ABCG2: variants seen among roughly 807,000 people sequenced by gnomAD.
ABCG2 encodes broad substrate specificity ATP-binding cassette transporter ABCG2.
In ABCG2, 80 loss-of-function variants were observed where a neutral mutation model predicts 73.5. The ratio of observed to expected loss-of-function variants is 1.09; its 90% CI spans 0.91 to 1.31. The LOEUF (loss-of-function observed/expected upper bound fraction) is 1.31, where lower values mean the gene tolerates loss of function less well. ABCG2 is among the 50% of genes most tolerant of loss of function. ABCG2 has a pLI of 0.00. For missense variants in ABCG2, 796 were observed against 786.2 expected (o/e 1.01, Z -0.15); for synonymous variants, 269 against 282.4 (o/e 0.95, Z 0.48).
At chr4:88,173,806 C>T (rs1399413267) in intron 1 of ABCG2, among the ~76,000 whole-genome samples, 1 of 151,902 alleles carries the variant, frequency 6.6e-6, no homozygotes, top group Non-Finnish European at 1.5e-5. Flanking sequence ...TGAGAACAGC[C>T]CGGGAAATGT....
At chr4:88,173,351 T>C (rs1460899597) in intron 1 of ABCG2, among the ~76,000 whole-genome samples, 1 of 152,204 alleles carries the variant, frequency 6.6e-6, no homozygotes, top group African/African-American at 2.4e-5. Context: ...GGAAATGGAA[T>C]TATGTTCTGT....
At chr4:88,204,144 G>A (rs887295473) in intron 1 of ABCG2, among the ~76,000 whole-genome samples, 16 of 152,234 alleles carry the variant, frequency 1.1e-4, no homozygotes, top group African/African-American at 3.4e-4. Flanking sequence ...CAAGCCGGCC[G>A]GGCTTGGTGG....
chr4:88,216,456 C>T (rs1729817239), intron 1 of ABCG2, among the ~76,000 whole-genome samples: 1 of 152,180 alleles, frequency 6.6e-6, no homozygotes. Context: ...CCAGGTATCC[C>T]AGTGCTTGTT....
intron 1 of ABCG2, among the ~76,000 whole-genome samples, chr4:88,224,649 A>G (rs550621689): frequency 1.3e-5 from 2 of 152,156 alleles, no homozygotes; most frequent in East Asian, 1.9e-4. Context: ...GCACCACCAC[A>G]CTGGGCCAAA....
chr4:88,119,785 G>A (rs768630116), intron 6 of ABCG2, among the ~76,000 whole-genome samples: 1 of 152,264 alleles, frequency 6.6e-6, no homozygotes, highest in East Asian at 1.9e-4. Context: ...CATTCACAAA[G>A]ATATGGTTTG....
At chr4:88,160,578 G>C (rs536384265), upstream of ABCG2, among the ~76,000 whole-genome samples, 1 of 152,074 alleles carries the variant, frequency 6.6e-6, no homozygotes, top group Non-Finnish European at 1.5e-5. Context: ...GGCCAGGCAC[G>C]GTGGCTCACG....
intron 1 of ABCG2, among the ~76,000 whole-genome samples, chr4:88,197,513 G>A (rs1728982463): frequency 6.6e-6 from 1 of 152,088 alleles, no homozygotes; most frequent in Admixed American, 6.6e-5. Flanking sequence ...CTACTCAGGA[G>A]GCTGAGGTAG....
At chr4:88,219,407 CTACAAGGAAAT>C (rs1729927313) in intron 1 of ABCG2, among the ~76,000 whole-genome samples, 1 of 152,054 alleles carries the variant, frequency 6.6e-6, no homozygotes, top group Non-Finnish European at 1.5e-5. Flanking sequence ...GTGATATGTT[CTACAAGGAAAT>C]TACATAGAGC....
chr4:88,115,256 C>A lies in ABCG2; in HGVS notation c.842-198G>T, dbSNP rs28552918. 2.3e-3 allele frequency among the ~76,000 whole-genome samples: 159 copies of A among 69,846 alleles called. 4 individuals carry two copies. The highest frequency in any genetic ancestry group is 8.0e-3 in the African/African-American group (142 of 17,742). 45.8% of individuals were successfully genotyped at this position (69,846 alleles called of 152,430 possible). A position where few individuals can be genotyped will look rare whatever the true frequency, so the allele number is the denominator to read the frequency against. On this transcript the variant is annotated intron_variant, in intron 7 of 15. Transcript: ENST00000237612. Reference sequence around the variant, plus strand: ...AGTCTCTCTCTCTCTCTCTCTCTCTCTATATATATATATATATATATATAT... The same window carrying A: ...AGTCTCTCTCTCTCTCTCTCTCTCTATATATATATATATATATATATATAT...
At chr4:88,218,828 C>A (rs979638489) in intron 1 of ABCG2, among the ~76,000 whole-genome samples, 1 of 152,196 alleles carries the variant, frequency 6.6e-6, no homozygotes, top group African/African-American at 2.4e-5. Flanking sequence ...ATTATCTTTA[C>A]CTACATCATT....
chr4:88,116,110 G>A (rs1180230261), intron 7 of ABCG2, among the ~76,000 whole-genome samples: 1 of 152,154 alleles, frequency 6.6e-6, no homozygotes, highest in East Asian at 1.9e-4. Flanking sequence ...CACAAGAATT[G>A]CTTGAACCTG....
intron 1 of ABCG2, among the ~76,000 whole-genome samples, chr4:88,227,263 G>A (rs1307960848): frequency 1.3e-5 from 2 of 152,050 alleles, no homozygotes; most frequent in African/African-American, 4.8e-5. Flanking sequence ...CAGGCCTGGT[G>A]GCAGGCACCT....
Position 88,132,569 on chromosome 4 carries a change from T to A in ABCG2, c.263+7A>T, listed in dbSNP as rs550828327. ...GAAAACGCTTACTTATACTCTCTTATACTCACGAAGATTTGCCTCCACCTG... is the reference window on the plus strand; with the variant it reads ...GAAAACGCTTACTTATACTCTCTTAAACTCACGAAGATTTGCCTCCACCTG... On this transcript the variant is annotated splice_region_variant and intron_variant, in intron 3 of 15. Transcript: ENST00000237612. 1.2e-6 allele frequency: 2 copies of A among 1,614,002 alleles called. No individual in the cohort carries two copies. The highest frequency in any genetic ancestry group is 1.7e-6 in the Non-Finnish European group (2 of 1,179,984).
At chr4:88,202,258 C>T (rs576862296) in intron 1 of ABCG2, among the ~76,000 whole-genome samples, 2 of 149,130 alleles carry the variant, frequency 1.3e-5, no homozygotes, top group South Asian at 4.3e-4. Flanking sequence ...CATCTGTAAT[C>T]CCATCACCTT....
chr4:88,227,934 T>C (rs1730290513), intron 1 of ABCG2, among the ~76,000 whole-genome samples: 1 of 152,174 alleles, frequency 6.6e-6, no homozygotes, highest in African/African-American at 2.4e-5. Context: ...GCGTTGAGTT[T>C]GAATCCCAGC....
At chr4:88,177,242 C>T (rs1313694653) in intron 1 of ABCG2, among the ~76,000 whole-genome samples, 1 of 151,896 alleles carries the variant, frequency 6.6e-6, no homozygotes, top group Non-Finnish European at 1.5e-5. Context: ...AGCATGGTGG[C>T]AGGCGCCTGT....
rs752984471 is a variant in ABCG2 at position 88,131,202 on chromosome 4, CACA to C, written c.387_389del (p.Val130del). The C allele has an allele frequency of 2.2e-5, 36 of 1,613,886 alleles. No homozygotes were observed. The highest frequency in any genetic ancestry group is 5.3e-5 in the African/African-American group (4 of 74,900). ...TTTCTCTCACCGTCAGAGTGCCCATCACAACATCATCCTTAAGGCAAATAGCAT... is the reference window on the plus strand; with the variant it reads ...TTTCTCTCACCGTCAGAGTGCCCATCACATCATCCTTAAGGCAAATAGCAT... On this transcript the variant is annotated inframe_deletion, in exon 5 of 16. Transcript: ENST00000237612.
At chr4:88,150,749 C>T (rs888950607) in intron 1 of ABCG2, among the ~76,000 whole-genome samples, 2 of 152,164 alleles carry the variant, frequency 1.3e-5, no homozygotes, top group African/African-American at 2.4e-5. Context: ...GCCACATGCA[C>T]GTTGGACAAG....
At position 88,202,913 on chromosome 4, in the gene ABCG2, A is replaced by G. The variant is rs189065678; in HGVS notation, c.-20+28081T>C. Among the ~76,000 whole-genome samples the G allele has an allele frequency of 3.0e-3, 454 of 152,242 alleles. 1 individual carries two copies. The highest frequency in any genetic ancestry group is 4.6e-3 in the Non-Finnish European group (311 of 68,016). On this transcript the variant is annotated intron_variant, in intron 1 of 15. Coordinates refer to the ABCG2 transcript ENST00000515655. The stretch of plus-strand genomic sequence containing the variant: ...TTCGAGAGATTATATTTTTAGAAAT[A>G]TTTGTTTCAGTAGTTTAGTAGCACA...
Sources: gnomAD v4.1 joint callset for allele counts (sites outside exome capture counted in the v4.1 genomes callset) on GRCh38, gnomAD v4.1.1 for gene constraint, MANE v1.5 for transcripts, NCBI Gene and HGNC (gene_info 2026-07-23, HGNC 2026-07-21) for gene names.